LARGE1: variants seen among roughly 807,000 people sequenced by gnomAD.
The protein encoded by LARGE1 is LARGE xylosyl- and glucuronyltransferase 1.
In LARGE1, 43 loss-of-function variants were observed where a neutral mutation model predicts 87.6. The ratio of observed to expected loss-of-function variants is 0.49; its 90% CI spans 0.38 to 0.63. The LOEUF (loss-of-function observed/expected upper bound fraction) is 0.63, where lower values mean the gene tolerates loss of function less well. Ranked by LOEUF, LARGE1 falls within the 30% of genes least tolerant of loss-of-function variation. The pLI, the probability that LARGE1 is intolerant of heterozygous loss-of-function variation, is 0.00. For missense variants in LARGE1, 802 were observed against 1,000.2 expected, an observed-to-expected ratio of 0.80 and a Z score of 2.67; for synonymous variants, 434 against 394.6, an observed-to-expected ratio of 1.10 and a Z score of -1.18.
At chr22:33,915,046 G>GAGAGAGAC (rs1555892462) in intron 1 of LARGE1, among the ~76,000 whole-genome samples, 1,807 of 123,122 alleles carry the variant, frequency 0.015, 16 homozygotes, top group Middle Eastern at 0.025. Context: ...CACACACAGA[G>GAGAGAGAC]AGAGAGAGAG....
At chr22:33,463,160 G>GC (rs1295835780) in intron 6 of LARGE1, among the ~76,000 whole-genome samples, 2 of 152,008 alleles carry the variant, frequency 1.3e-5, no homozygotes, top group Non-Finnish European at 2.9e-5. Context: ...CATCTTGGTG[G>GC]CCGCAATCTA....
the LARGE1 span, among the ~76,000 whole-genome samples, chr22:33,080,447 T>C: frequency 7.2e-5 from 11 of 152,214 alleles, no homozygotes; most frequent in Non-Finnish European, 1.6e-4. Flanking sequence ...ATGACCTTCA[T>C]ACAGAATGTT....
chr22:33,537,246 G>C (rs1477495512), intron 6 of LARGE1, among the ~76,000 whole-genome samples: 6 of 152,234 alleles, frequency 3.9e-5, no homozygotes, highest in African/African-American at 1.4e-4. Context: ...AGTCTTAGCA[G>C]GTTAAAGTCA....
Position 33,257,446 on chromosome 22 carries a change from C to T in LARGE1, c.1730+46783G>A, listed in dbSNP as rs561856870. Among the ~76,000 whole-genome samples the T allele has an allele frequency of 1.4e-4, 20 of 144,318 alleles. No individual in the cohort carries two copies. In the South Asian group the frequency reaches 4.2e-3, roughly 30 times the overall value. 94.7% of individuals were successfully genotyped at this position (144,318 alleles called of 152,430 possible). A position where few individuals can be genotyped will look rare whatever the true frequency, so the allele number is the denominator to read the frequency against. Reference sequence around the variant, plus strand: ...GGTAAAACAAAAACAAAAACAAAAACAAAAACAAAAACAAAAAAACAAAAA... The same window carrying T: ...GGTAAAACAAAAACAAAAACAAAAATAAAAACAAAAACAAAAAAACAAAAA... On this transcript the variant is annotated intron_variant, in intron 11 of 11. Transcript: ENST00000608642.
intron 6 of LARGE1, among the ~76,000 whole-genome samples, chr22:33,489,045 A>G (rs2069708051): frequency 6.6e-6 from 1 of 152,190 alleles, no homozygotes; most frequent in African/African-American, 2.4e-5. Flanking sequence ...TTGGTCATTC[A>G]TTCATTCAAC....
chr22:33,075,850 T>C, the LARGE1 span, among the ~76,000 whole-genome samples: 1 of 152,176 alleles, frequency 6.6e-6, no homozygotes, highest in East Asian at 1.9e-4. Context: ...TTTCCTTTCA[T>C]GAGCTCTGGG....
At chr22:33,346,405 C>T (rs567083556) in intron 9 of LARGE1, among the ~76,000 whole-genome samples, 5 of 152,092 alleles carry the variant, frequency 3.3e-5, no homozygotes, top group South Asian at 2.1e-4. Flanking sequence ...CCGGTTTAAG[C>T]GATTCTCCCG....
intron 6 of LARGE1, among the ~76,000 whole-genome samples, chr22:33,527,183 G>C (rs2071946154): frequency 6.6e-6 from 1 of 152,206 alleles, no homozygotes. Context: ...TTCAACATGG[G>C]AGGCAGAGGT....
At chr22:33,224,960 A>C (rs1925657349) in intron 11 of LARGE1, among the ~76,000 whole-genome samples, 1 of 152,238 alleles carries the variant, frequency 6.6e-6, no homozygotes, top group Non-Finnish European at 1.5e-5. Flanking sequence ...TTAGGTGAGC[A>C]CAGACCCTGC....
intron 11 of LARGE1, among the ~76,000 whole-genome samples, chr22:33,247,843 A>C (rs1024060184): frequency 6.6e-6 from 1 of 152,198 alleles, no homozygotes; most frequent in Non-Finnish European, 1.5e-5. Flanking sequence ...CTTGCCTGAA[A>C]CAGATGCCCG....
the LARGE1 span, among the ~76,000 whole-genome samples, chr22:33,146,825 T>C: frequency 1.1e-4 from 16 of 152,160 alleles, no homozygotes; most frequent in African/African-American, 3.9e-4. Flanking sequence ...CATACAAGCA[T>C]GGACCCACCA....
chr22:33,544,201 T>C (rs942547363), intron 6 of LARGE1, among the ~76,000 whole-genome samples: 7 of 152,216 alleles, frequency 4.6e-5, no homozygotes, highest in Admixed American at 1.3e-4. Flanking sequence ...TGAGCCTTTT[T>C]CCTTTGTGGA....
rs902498079 is a variant in LARGE1 at position 33,274,285 on chromosome 22, A to G, written c.*142T>C. 13 of 835,846 alleles carry G rather than the reference A, an allele frequency of 1.6e-5. No homozygotes were observed. In the African/African-American group the frequency reaches 1.7e-4, roughly 11 times the overall value. 51.8% of individuals were successfully genotyped at this position (835,846 alleles called of 1,614,324 possible). A position where few individuals can be genotyped will look rare whatever the true frequency, so the allele number is the denominator to read the frequency against. ...ATCCTTGTCCAAGGTCTCTGTAGTG[A>G]GGGCAGCTTGGCTGGGCCAAAGAGA... On this transcript the variant is annotated 3_prime_UTR_variant, in exon 15 of 15. Transcript: ENST00000397394.
chr22:33,777,450 C>A (rs2085276646), intron 1 of LARGE1, among the ~76,000 whole-genome samples: 1 of 152,042 alleles, frequency 6.6e-6, no homozygotes, highest in Non-Finnish European at 1.5e-5. Context: ...CCAGCCTGGG[C>A]TACAACATGA....
intron 7 of LARGE1, among the ~76,000 whole-genome samples, chr22:33,429,237 C>T (rs1014292607): frequency 2.6e-5 from 4 of 152,124 alleles, no homozygotes; most frequent in Admixed American, 2.0e-4. Context: ...GGTTTTAAAG[C>T]GACACATCCC....
At chr22:33,311,396 T>G (rs566958327) in intron 11 of LARGE1, among the ~76,000 whole-genome samples, 1 of 152,368 alleles carries the variant, frequency 6.6e-6, no homozygotes, top group South Asian at 2.1e-4. Context: ...GGGTTTGAGC[T>G]GTTAATAACT....
At chr22:33,256,617 G>C (rs1927287232) in intron 11 of LARGE1, among the ~76,000 whole-genome samples, 1 of 152,080 alleles carries the variant, frequency 6.6e-6, no homozygotes, top group African/African-American at 2.4e-5. Context: ...ATTAATTATT[G>C]TTCCAGTCAT....
At chr22:33,306,115 CT>C (rs1934868837) in intron 11 of LARGE1, among the ~76,000 whole-genome samples, 1 of 152,072 alleles carries the variant, frequency 6.6e-6, no homozygotes, top group African/African-American at 2.4e-5. Context: ...AAGTGCTGGG[CT>C]TACAGGCGTG....
chr22:33,301,156 C>A (rs933640656), intron 12 of LARGE1, among the ~76,000 whole-genome samples: 1 of 152,258 alleles, frequency 6.6e-6, no homozygotes, highest in South Asian at 2.1e-4. Flanking sequence ...CCACTGGTAA[C>A]GTCTGGGTCA....
Sources: allele counts gnomAD v4.1 joint callset (sites outside exome capture counted in the v4.1 genomes callset), GRCh38; gene constraint gnomAD v4.1.1; transcripts MANE v1.5; gene names NCBI Gene and HGNC (gene_info 2026-07-23, HGNC 2026-07-21).